SEC24D: variants seen among roughly 807,000 people sequenced by gnomAD.
SEC24D encodes the protein SEC24 homolog D, COPII component, also known as protein transport protein Sec24D.
In SEC24D, 69 loss-of-function variants were observed where a neutral mutation model predicts 116.9. The ratio of observed to expected loss-of-function variants is 0.59; its 90% CI spans 0.49 to 0.72. SEC24D has a LOEUF of 0.72. SEC24D is among the 30% of genes least tolerant of loss of function. SEC24D has a pLI of 0.00. For synonymous variants in SEC24D, 405 were observed against 442.8 expected (o/e 0.91, Z 1.07); for missense variants, 1,131 against 1,264.1 (o/e 0.89, Z 1.60).
intron 10 of SEC24D, 43 bp from the exon 11 acceptor site, chr4:118,757,888 T>A: frequency 6.5e-7 from 1 of 1,539,444 alleles, no homozygotes; most frequent in South Asian, 1.2e-5. Context: ...GTAAATACAT[T>A]GCATAATCAA....
At chr4:118,763,929 A>G (rs1453247138) in intron 10 of SEC24D, among the ~76,000 whole-genome samples, 1 of 152,242 alleles carries the variant, frequency 6.6e-6, no homozygotes, top group African/African-American at 2.4e-5. Context: ...AATAATTACC[A>G]TGATAAAGAC....
At chr4:118,758,619 T>G (rs1418666512) in intron 10 of SEC24D, 1 of 152,130 alleles carries the variant, frequency 6.6e-6, no homozygotes, top group African/African-American at 2.4e-5. Flanking sequence ...GGCAAACAAC[T>G]TTAGTGACCT....
At chr4:118,813,642 C>A (rs895657998) in intron 6 of SEC24D, among the ~76,000 whole-genome samples, 1 of 152,226 alleles carries the variant, frequency 6.6e-6, no homozygotes, top group Non-Finnish European at 1.5e-5. Flanking sequence ...AGAGCCCTTA[C>A]GACCCAATCA....
intron 13 of SEC24D, among the ~76,000 whole-genome samples, chr4:118,747,263 C>CTTTT (rs200688068): frequency 4.7e-5 from 6 of 128,226 alleles, no homozygotes; most frequent in Non-Finnish European, 6.7e-5. Context: ...ATTTCTGTAG[C>CTTTT]TTTTTTTTTT....
At chr4:118,827,406 C>A in intron 2 of SEC24D, among the ~76,000 whole-genome samples, 1 of 152,022 alleles carries the variant, frequency 6.6e-6, no homozygotes, top group Non-Finnish European at 1.5e-5. Flanking sequence ...AAAGGAACAC[C>A]GTGCAATGAG....
At chr4:118,824,120 CTACTAA>C (rs1228101971) in intron 3 of SEC24D, among the ~76,000 whole-genome samples, 11 of 151,870 alleles carry the variant, frequency 7.2e-5, no homozygotes, top group South Asian at 2.1e-4. Flanking sequence ...TTTTAAATAC[CTACTAA>C]TACTGTCTTT....
rs1297943966 is a variant in SEC24D at position 118,815,043 on chromosome 4, G to T, written c.786C>A (p.Asp262Glu). Residue 262 changes from aspartate to glutamate, a missense_variant, in exon 6 of 23, where the codon GAC becomes GAA. Coordinates refer to ENST00000280551, the MANE Select transcript of SEC24D (RefSeq NM_014822.4). The stretch of plus-strand genomic sequence containing the variant: ...GAGTACTTACTGGGCTAGGGATAGA[G>T]TCAGGATCCAGCTTCTTCTGGGGCT... Reference protein sequence around the residue: ...PPQPQKKLDPDSIPSPIQVIE... With the variant: ...PPQPQKKLDPESIPSPIQVIE... The T allele has an allele frequency of 6.2e-7, 1 of 1,614,066 alleles. No homozygotes were observed. Among genetic ancestry groups the T allele is most frequent in the South Asian group, 1.1e-5 (1 of 91,082 alleles).
intron 8 of SEC24D, among the ~76,000 whole-genome samples, chr4:118,777,092 A>ATTATTTAT (rs70944813): frequency 0.23 from 34,022 of 148,478 alleles, 4,575 homozygotes; most frequent in East Asian, 0.41. Context: ...GAAGGTCTGA[A>ATTATTTAT]TTATTTATTT....
At chr4:118,818,042 G>GA (rs755282562) in intron 3 of SEC24D, among the ~76,000 whole-genome samples, 6,382 of 143,058 alleles carry the variant, frequency 0.045, 194 homozygotes, top group Non-Finnish European at 0.064. Context: ...GTCCCAAAGA[G>GA]AAAAAAAAAA....
At chr4:118,780,480 T>C (rs1289297278) in intron 8 of SEC24D, among the ~76,000 whole-genome samples, 2 of 152,204 alleles carry the variant, frequency 1.3e-5, no homozygotes, top group African/African-American at 4.8e-5. Flanking sequence ...TTGTTGTGAT[T>C]TCTGTTCTTT....
intron 8 of SEC24D, among the ~76,000 whole-genome samples, chr4:118,773,427 A>T (rs1727999476): frequency 6.6e-6 from 1 of 151,658 alleles, no homozygotes; most frequent in South Asian, 2.1e-4. Flanking sequence ...AAATCACTGT[A>T]AATGTATCTC....
At chr4:118,762,655 CATT>C (rs1364158632) in intron 10 of SEC24D, among the ~76,000 whole-genome samples, 1 of 152,116 alleles carries the variant, frequency 6.6e-6, no homozygotes, top group Admixed American at 6.5e-5. Context: ...TAAGCCAACT[CATT>C]ATTATACTTT....
intron 7 of SEC24D, among the ~76,000 whole-genome samples, chr4:118,805,148 A>C (rs774666455): frequency 6.6e-6 from 1 of 152,170 alleles, no homozygotes; most frequent in African/African-American, 2.4e-5. Context: ...TGAAGGTGGC[A>C]CAGAGGATAG....
At chr4:118,811,524 AC>A (rs1729921529) in intron 6 of SEC24D, among the ~76,000 whole-genome samples, 1 of 152,226 alleles carries the variant, frequency 6.6e-6, no homozygotes, top group Non-Finnish European at 1.5e-5. Flanking sequence ...AAAGCAGATT[AC>A]TTTCCATAAT....
At chr4:118,802,803 G>C (rs1024618085) in intron 7 of SEC24D, among the ~76,000 whole-genome samples, 18 of 152,176 alleles carry the variant, frequency 1.2e-4, no homozygotes, top group Non-Finnish European at 2.1e-4. Context: ...AATATCCACA[G>C]CAGCATTACT....
chr4:118,735,902 C>G (rs1157707155), intron 19 of SEC24D: 1 of 152,066 alleles, frequency 6.6e-6, no homozygotes, highest in East Asian at 1.9e-4. Context: ...ATATGTTGCC[C>G]AGGCTGGCCT....
rs1727177117 is a variant in SEC24D at position 118,757,794 on chromosome 4, A to G, written c.1348T>C (p.Tyr450His). 6.2e-7 allele frequency: 1 copy of G among 1,611,696 alleles called. No homozygotes were observed. Among genetic ancestry groups the G allele is most frequent in the Non-Finnish European group, 8.5e-7 (1 of 1,178,540 alleles). ...ACAAGTCCATTCTTTATGTTACTAT[A>G]TGAAACATCAATCATGAAGATAAAG... ...PAFIFMIDVSYSNIKNGLVKL... is the reference protein window; with the variant it reads ...PAFIFMIDVSHSNIKNGLVKL... The change falls in exon 11 of 23, where the codon TAT (tyrosine) becomes CAT (histidine). Residue 450 changes from tyrosine to histidine, a missense_variant. Coordinates refer to ENST00000280551, the MANE Select transcript of SEC24D (RefSeq NM_014822.4).
intron 8 of SEC24D, among the ~76,000 whole-genome samples, chr4:118,776,141 T>G (rs1578421704): frequency 1.4e-5 from 2 of 145,904 alleles, no homozygotes; most frequent in African/African-American, 2.6e-5. Context: ...GGGGAAGGGG[T>G]AGGGGAGTGG....
chr4:118,755,673 C>G (rs541413144), intron 11 of SEC24D, among the ~76,000 whole-genome samples: 2 of 152,050 alleles, frequency 1.3e-5, no homozygotes, highest in East Asian at 3.9e-4. Context: ...AGATGTTAAT[C>G]AAGACTTCAG....
Sources: gnomAD v4.1 joint callset for allele counts (sites outside exome capture counted in the v4.1 genomes callset) on GRCh38, gnomAD v4.1.1 for gene constraint, MANE v1.5 for transcripts, NCBI Gene and HGNC (gene_info 2026-07-23, HGNC 2026-07-21) for gene names.